RERE: variants seen among roughly 807,000 people sequenced by gnomAD.
The protein encoded by RERE is arginine-glutamic acid dipeptide repeats protein.
Under a neutral mutation model 146.1 loss-of-function variants are expected in RERE, and 40 were observed. The ratio of observed to expected loss-of-function variants is 0.27; its 90% confidence interval spans 0.21 to 0.36. RERE has a LOEUF of 0.36. Ranked by LOEUF, RERE falls within the 10% of genes least tolerant of loss-of-function variation. The pLI is 1.00. For missense variants in RERE, 1,933 were observed against 2,138.7 expected, an observed-to-expected ratio of 0.90 and a Z score of 1.90; for synonymous variants, 1,003 against 866.0, an observed-to-expected ratio of 1.16 and a Z score of -2.78.
At chr1:8,531,216 G>A (rs1408659524) in intron 7 of RERE, among the ~76,000 whole-genome samples, 2 of 152,134 alleles carry the variant, frequency 1.3e-5, no homozygotes, top group African/African-American at 4.8e-5. Context: ...GGCCGAAGTG[G>A]TGGGTGACTT....
At chr1:8,458,898 T>C (rs1190054820) in intron 11 of RERE, among the ~76,000 whole-genome samples, 1 of 152,170 alleles carries the variant, frequency 6.6e-6, no homozygotes, top group Non-Finnish European at 1.5e-5. Flanking sequence ...GAAATATCTC[T>C]TCCCTTCTAA....
rs6697216 is a variant in RERE at position 8,593,171 on chromosome 1, C to T, written c.522+21390G>A. Among the ~76,000 whole-genome samples the T allele has an allele frequency of 9.5e-3, 1,446 of 152,290 alleles. 21 individuals are homozygous for T. The highest frequency in any genetic ancestry group is 0.033 in the African/African-American group (1,384 of 41,562). ...ATTTTCCATAATAACAGAGCACCTA[C>T]GTTACTGGAGCACAGTAAACCAAAG... On this transcript the variant is annotated intron_variant, in intron 4 of 22. Coordinates refer to ENST00000400908, the MANE Select transcript of RERE (RefSeq NM_001042681.2).
intron 12 of RERE, among the ~76,000 whole-genome samples, chr1:8,389,064 A>G (rs1332817114): frequency 1.3e-5 from 2 of 152,306 alleles, no homozygotes; most frequent in Non-Finnish European, 2.9e-5. Context: ...TATCTTTAGG[A>G]AAGTACAGTG....
rs1553135253 is a variant in RERE at position 8,694,979 on chromosome 1, G to GGGC, written c.-144-38539_-144-38538insGCC. Among the ~76,000 whole-genome samples the GGGC allele has an allele frequency of 3.6e-5, 5 of 137,804 alleles. 1 individual carries two copies. The highest frequency in any genetic ancestry group is 1.4e-4 in the African/African-American group (5 of 36,308). The allele number at this position is 137,804 out of a possible 152,430, so 90.4% of individuals were successfully genotyped here. A position where few individuals can be genotyped will look rare whatever the true frequency, so the allele number is the denominator to read the frequency against. On this transcript the variant is annotated intron_variant, in intron 1 of 22. Transcript: ENST00000400908. The stretch of plus-strand genomic sequence containing the variant: ...AAGAGCCAAAGAAATCCTAAGGGGG[G>GGGC]GGGGGGAATGCTGGCAGCATCACAT...
intron 12 of RERE, among the ~76,000 whole-genome samples, chr1:8,398,326 G>C (rs982863844): frequency 6.6e-6 from 1 of 152,178 alleles, no homozygotes; most frequent in African/African-American, 2.4e-5. Flanking sequence ...TCTCAGGCAA[G>C]GGGGTTAGTA....
intron 4 of RERE, among the ~76,000 whole-genome samples, chr1:8,559,320 C>CA (rs1156657549): frequency 1.2e-5 from 1 of 83,740 alleles, no homozygotes; most frequent in Admixed American, 1.3e-4. Flanking sequence ...CAAAACAAAA[C>CA]AAAAAACCAA....
In RERE at chr1:8,456,698, C is replaced by T. The variant is rs181061696; in HGVS notation, c.1203+9227G>A. On this transcript the variant is annotated intron_variant, in intron 11 of 22. Transcript: ENST00000400908. ...CCGACTTCATCTTCTCCATCCACTC[C>T]GGGGCATCTTTGCTCTTCCTGGAAC... 8.9e-4 allele frequency among the ~76,000 whole-genome samples: 136 copies of T among 152,250 alleles called. 1 individual carries two copies. The highest frequency in any genetic ancestry group is 7.1e-3 in the South Asian group (34 of 4,820).
intron 4 of RERE, among the ~76,000 whole-genome samples, chr1:8,573,997 G>C (rs1488656031): frequency 6.6e-6 from 1 of 151,846 alleles, no homozygotes; most frequent in Non-Finnish European, 1.5e-5. Flanking sequence ...ATAGAGATGG[G>C]GTTTCACCAT....
At chr1:8,541,056 C>A (rs2124390181) in intron 7 of RERE, among the ~76,000 whole-genome samples, 158 bp downstream of exon 7, 1 of 152,190 alleles carries the variant, frequency 6.6e-6, no homozygotes, top group Non-Finnish European at 1.5e-5. Context: ...TACAACTCCT[C>A]CCAAAGAAGT....
chr1:8,428,466 G>T (rs1644047982), intron 11 of RERE: 1 of 152,174 alleles, frequency 6.6e-6, no homozygotes, highest in Admixed American at 6.5e-5. Flanking sequence ...TTATGATTTT[G>T]TGCTCTAATT....
intron 1 of RERE, among the ~76,000 whole-genome samples, chr1:8,746,168 T>A (rs559933001): frequency 1.3e-5 from 2 of 152,372 alleles, no homozygotes; most frequent in East Asian, 3.9e-4. Flanking sequence ...ATTTGTTGCC[T>A]TCAGGGTATT....
chr1:8,494,943 C>T lies in RERE; in HGVS notation c.1104+120G>A, dbSNP rs1570335005. 3 of 729,022 alleles carry T rather than the reference C, an allele frequency of 4.1e-6. No homozygotes were observed. In the East Asian group the frequency reaches 8.0e-5, roughly 19 times the overall value. The allele number at this position is 729,022 out of a possible 1,614,324, so 45.2% of individuals were successfully genotyped here. ...CCCCCATGGCACCCAACAGCCAAGA[C>T]CACAACTCACTCCTGAGTCTACAGG... is the stretch of plus-strand genomic sequence containing the variant. On this transcript the variant is annotated intron_variant, in intron 10 of 22. Transcript: ENST00000400908.
At chr1:8,531,128 T>C (rs186744020) in intron 7 of RERE, among the ~76,000 whole-genome samples, 275 of 152,186 alleles carry the variant, frequency 1.8e-3, no homozygotes, top group Non-Finnish European at 3.0e-3. Context: ...CATCCATCCA[T>C]CCATCCAGGA....
In RERE at chr1:8,605,845, C is replaced by CTTTTTTTTTTTTTTTTT. The variant is rs60346942; in HGVS notation, c.522+8699_522+8715dup. ...ACAAATTTAAGTGTTAAATACCAAACTTTTTTTTTTTTTTTTTGAGACAGC... is the reference window on the plus strand; with the variant it reads ...ACAAATTTAAGTGTTAAATACCAAACTTTTTTTTTTTTTTTTTTTTTTTTTTTTTTTTTTGAGACAGC... On this transcript the variant is annotated intron_variant, in intron 4 of 22. Transcript: ENST00000400908. Among the ~76,000 whole-genome samples the CTTTTTTTTTTTTTTTTT allele has an allele frequency of 4.5e-4, 42 of 93,216 alleles. 6 individuals are homozygous for CTTTTTTTTTTTTTTTTT. Among genetic ancestry groups the CTTTTTTTTTTTTTTTTT allele is most frequent in the African/African-American group, 1.8e-3 (41 of 23,334 alleles). 61.2% of individuals were successfully genotyped at this position (93,216 alleles called of 152,430 possible). A position where few individuals can be genotyped will look rare whatever the true frequency, so the allele number is the denominator to read the frequency against.
intron 1 of RERE, among the ~76,000 whole-genome samples, chr1:8,733,597 C>G (rs75351397): frequency 1.3e-5 from 2 of 152,208 alleles, no homozygotes; most frequent in Non-Finnish European, 2.9e-5. Flanking sequence ...CTTCTGCCAA[C>G]AGCCAGCAAG....
intron 12 of RERE, among the ~76,000 whole-genome samples, chr1:8,410,041 G>A (rs557741274): frequency 7.0e-6 from 1 of 143,228 alleles, no homozygotes; most frequent in Non-Finnish European, 1.5e-5. Context: ...TGGGAAATGA[G>A]AGCTGGGATA....
At chr1:8,366,410 G>A (rs1026475369) in intron 12 of RERE, among the ~76,000 whole-genome samples, 1 of 152,266 alleles carries the variant, frequency 6.6e-6, no homozygotes, top group Non-Finnish European at 1.5e-5. Context: ...AGTAATGCCA[G>A]TGAAATCACA....
intron 1 of RERE, among the ~76,000 whole-genome samples, chr1:8,675,659 G>A (rs111790804): frequency 4.8e-4 from 73 of 152,084 alleles, no homozygotes; most frequent in African/African-American, 1.7e-3. Flanking sequence ...GGAGGCAGAG[G>A]TTGCAGCGAA....
intron 1 of RERE, among the ~76,000 whole-genome samples, chr1:8,669,024 CTGTGTGTGTGTGTGTGTGTGTGTGTGTG>C (rs59647434): frequency 1.4e-4 from 6 of 43,814 alleles, no homozygotes; most frequent in African/African-American, 2.7e-4. Flanking sequence ...GCACTCAACT[CTGTGTGTGTGTGTGTGTGTGTGTGTGTG>C]TGTGTGTGTG....
Sources: allele counts gnomAD v4.1 joint callset (sites outside exome capture counted in the v4.1 genomes callset), GRCh38; gene constraint gnomAD v4.1.1; transcripts MANE v1.5; gene names NCBI Gene and HGNC (gene_info 2026-07-23, HGNC 2026-07-21).